Variants in AK5 observed in about 807,000 individuals in gnomAD.
AK5 encodes adenylate kinase isoenzyme 5.
In AK5, 27 loss-of-function variants were observed where a neutral mutation model predicts 69.5. The observed-to-expected ratio is 0.39, with a 90% CI of 0.29 to 0.54. The LOEUF (loss-of-function observed/expected upper bound fraction) is 0.54, where lower values mean the gene tolerates loss of function less well. Ranked by LOEUF, AK5 falls within the 20% of genes least tolerant of loss-of-function variation. AK5 has a pLI of 0.71. For missense variants in AK5, 531 were observed against 700.4 expected, an observed-to-expected ratio of 0.76 and a Z score of 2.73; for synonymous variants, 260 against 244.4, an observed-to-expected ratio of 1.06 and a Z score of -0.60.
intron 5 of AK5, among the ~76,000 whole-genome samples, chr1:77,336,085 CT>C (rs36053089): frequency 8.7e-4 from 117 of 135,066 alleles, no homozygotes; most frequent in African/African-American, 2.3e-3. Context: ...TCTTATAACC[CT>C]TTTTTTTTTT....
intron 8 of AK5, among the ~76,000 whole-genome samples, chr1:77,478,297 A>T (rs549094726): frequency 6.6e-6 from 1 of 152,278 alleles, no homozygotes; most frequent in Admixed American, 6.5e-5. Flanking sequence ...CCCAAATCTC[A>T]TCTTGTAGCT....
intron 8 of AK5, among the ~76,000 whole-genome samples, chr1:77,440,266 C>T (rs765064972): frequency 3.3e-5 from 5 of 152,096 alleles, no homozygotes; most frequent in African/African-American, 7.2e-5. Context: ...TCTTGACTGA[C>T]AATTTTTTGC....
At position 77,471,872 on chromosome 1, in the gene AK5, C is replaced by T. The variant is rs575184075; in HGVS notation, c.1060-11445C>T. 9.2e-5 allele frequency among the ~76,000 whole-genome samples: 14 copies of T among 152,300 alleles called. No individual in the cohort carries two copies. In the East Asian group the frequency reaches 1.5e-3, roughly 17 times the overall value. On this transcript the variant is annotated intron_variant, in intron 8 of 13. Coordinates refer to ENST00000354567, the MANE Select transcript of AK5 (RefSeq NM_174858.3). The stretch of plus-strand genomic sequence containing the variant: ...ATTCTGTAGGAGCATTGAACATTGT[C>T]GGCCTTGTACAGCGGCCAGATTCTT...
chr1:77,519,441 A>G (rs888541835), intron 11 of AK5, among the ~76,000 whole-genome samples: 2 of 152,172 alleles, frequency 1.3e-5, no homozygotes, highest in Non-Finnish European at 2.9e-5. Context: ...TTTTCCCTAA[A>G]GTCTCCTCTT....
intron 8 of AK5, among the ~76,000 whole-genome samples, chr1:77,422,373 G>A (rs896541381): frequency 1.3e-5 from 2 of 152,078 alleles, no homozygotes; most frequent in Non-Finnish European, 2.9e-5. Flanking sequence ...GCTCTTCATC[G>A]ATTTCAGAAT....
chr1:77,320,928 T>G (rs899411072), intron 5 of AK5, among the ~76,000 whole-genome samples: 4 of 152,100 alleles, frequency 2.6e-5, no homozygotes, highest in African/African-American at 9.7e-5. Flanking sequence ...AATAAAAAGT[T>G]TCAATATCCA....
At chr1:77,417,273 A>T (rs963056073) in intron 7 of AK5, among the ~76,000 whole-genome samples, 8 of 152,030 alleles carry the variant, frequency 5.3e-5, no homozygotes, top group Non-Finnish European at 1.0e-4. Flanking sequence ...GACAACCTGT[A>T]TTCACCCTCA....
intron 8 of AK5, among the ~76,000 whole-genome samples, chr1:77,441,897 G>A (rs528241970): frequency 6.6e-6 from 1 of 152,234 alleles, no homozygotes; most frequent in African/African-American, 2.4e-5. Flanking sequence ...TTGGAGGTAG[G>A]TTGTTCACAG....
intron 6 of AK5, among the ~76,000 whole-genome samples, chr1:77,343,525 A>G (rs2602932): frequency 0.97 from 148,112 of 152,294 alleles, 72,173 homozygotes; most frequent in East Asian, 1. Context: ...GGTAGATGAT[A>G]GTAATGCAGA....
At position 77,297,552 on chromosome 1, in the gene AK5, A is replaced by T; in HGVS notation, c.416-7A>T. On this transcript the variant is annotated splice_region_variant and splice_polypyrimidine_tract_variant and intron_variant, in intron 3 of 13. Coordinates refer to ENST00000354567, the MANE Select transcript of AK5 (RefSeq NM_174858.3). ...AAGATCACAGTTTTGCCTGTTTTAA[A>T]TACTAGGTGGTCCAGGAAGTGGAAA... 1 of 1,595,050 alleles carries T rather than the reference A, an allele frequency of 6.3e-7. No homozygotes were observed. Among genetic ancestry groups the T allele is most frequent in the Non-Finnish European group, 8.5e-7 (1 of 1,172,892 alleles).
intron 6 of AK5, among the ~76,000 whole-genome samples, chr1:77,409,973 C>T (rs937811661): frequency 2.6e-5 from 4 of 152,046 alleles, no homozygotes. Flanking sequence ...AGCCAGTTAT[C>T]CCAGCACTAT....
intron 3 of AK5, among the ~76,000 whole-genome samples, chr1:77,295,043 A>G (rs975549874): frequency 1.1e-4 from 17 of 152,148 alleles, no homozygotes; most frequent in Non-Finnish European, 1.8e-4. Context: ...AATTGTGGCT[A>G]TTTTTGCAAA....
intron 5 of AK5, among the ~76,000 whole-genome samples, chr1:77,312,663 A>C (rs1367058156): frequency 6.6e-6 from 1 of 151,626 alleles, no homozygotes; most frequent in Non-Finnish European, 1.5e-5. Flanking sequence ...GTTCATTCAC[A>C]TCACCACGGA....
intron 6 of AK5, among the ~76,000 whole-genome samples, chr1:77,368,210 A>C (rs1647035016): frequency 2.0e-5 from 1 of 50,756 alleles, no homozygotes; most frequent in African/African-American, 5.3e-5. Context: ...TGAAGAGTAG[A>C]GATACTATAT....
intron 8 of AK5, among the ~76,000 whole-genome samples, chr1:77,421,447 T>C (rs1650806542): frequency 6.6e-6 from 1 of 152,180 alleles, no homozygotes; most frequent in African/African-American, 2.4e-5. Flanking sequence ...TTAATAAAAC[T>C]CAAAATCTGA....
intron 6 of AK5, among the ~76,000 whole-genome samples, chr1:77,348,776 C>A (rs114392779): frequency 3.6e-3 from 554 of 152,144 alleles, no homozygotes; most frequent in African/African-American, 0.013. Flanking sequence ...CACACAAACA[C>A]ATATTTTTAG....
chr1:77,318,450 A>T (rs892092798), intron 5 of AK5, among the ~76,000 whole-genome samples: 3 of 152,206 alleles, frequency 2.0e-5, no homozygotes, highest in African/African-American at 7.2e-5. Context: ...GGGTGGGGAC[A>T]TGATTCAAAT....
intron 6 of AK5, among the ~76,000 whole-genome samples, chr1:77,367,579 A>ATAT (rs71075732): frequency 0.013 from 713 of 53,264 alleles, 56 homozygotes; most frequent in African/African-American, 0.027. Flanking sequence ...ATATATATAT[A>ATAT]ATATATATGT....
intron 8 of AK5, among the ~76,000 whole-genome samples, chr1:77,435,206 A>T (rs1210161431): frequency 6.6e-6 from 1 of 152,230 alleles, no homozygotes; most frequent in African/African-American, 2.4e-5. Flanking sequence ...TATGACCTCA[A>T]ATCCTGTGCT....
Sources: gnomAD v4.1 joint callset for allele counts (sites outside exome capture counted in the v4.1 genomes callset) on GRCh38, gnomAD v4.1.1 for gene constraint, MANE v1.5 for transcripts, NCBI Gene and HGNC (gene_info 2026-07-23, HGNC 2026-07-21) for gene names.